CADPS: variants seen among roughly 807,000 people sequenced by gnomAD.
CADPS encodes calcium dependent secretion activator, also known as calcium-dependent secretion activator 1.
A neutral mutation model predicts 167.3 loss-of-function variants in CADPS; 57 were observed. That is an observed-to-expected ratio of 0.34 (90% CI 0.28 to 0.42). CADPS has a LOEUF of 0.42. Among genes scored for constraint, CADPS ranks in the 20% least tolerant of loss-of-function variants. The pLI, the probability that CADPS is intolerant of heterozygous loss-of-function variation, is 1.00. For synonymous variants in CADPS, 676 were observed against 635.3 expected, an observed-to-expected ratio of 1.06 and a Z score of -0.96; for missense variants, 1,414 against 1,738.1, an observed-to-expected ratio of 0.81 and a Z score of 3.32.
chr3:62,551,606 T>C (rs1337059683), intron 10 of CADPS, among the ~76,000 whole-genome samples: 1 of 152,184 alleles, frequency 6.6e-6, no homozygotes, highest in Non-Finnish European at 1.5e-5. Flanking sequence ...GCGTTGGTTC[T>C]GACAAGGCCT....
At chr3:62,615,446 G>A (rs2062112644) in intron 6 of CADPS, among the ~76,000 whole-genome samples, 1 of 152,118 alleles carries the variant, frequency 6.6e-6, no homozygotes, top group African/African-American at 2.4e-5. Flanking sequence ...CTCTGAATCA[G>A]CGACTGTGTT....
intron 1 of CADPS, among the ~76,000 whole-genome samples, chr3:62,810,202 G>A (rs2094328992): frequency 6.6e-6 from 1 of 152,080 alleles, no homozygotes; most frequent in South Asian, 2.1e-4. Flanking sequence ...CATGGTTTTG[G>A]TACCAGATGG....
chr3:62,640,252 A>G (rs941346795), intron 6 of CADPS, among the ~76,000 whole-genome samples: 1 of 152,182 alleles, frequency 6.6e-6, no homozygotes, highest in African/African-American at 2.4e-5. Context: ...AGTACACAGA[A>G]AACATTTTGC....
intron 6 of CADPS, among the ~76,000 whole-genome samples, chr3:62,598,448 G>C (rs1196000070): frequency 6.6e-6 from 1 of 152,094 alleles, no homozygotes; most frequent in African/African-American, 2.4e-5. Context: ...CCTTTCCTCT[G>C]TAGGAAAAAA....
chr3:62,570,863 G>GTTA lies in CADPS; in HGVS notation c.1644+6_1644+8dup, dbSNP rs1340771201. On this transcript the variant is annotated intron_variant, in intron 9 of 29. Coordinates refer to ENST00000383710, the MANE Select transcript of CADPS (RefSeq NM_003716.4). ...ACTGATGTCTCTTAAGAGTTGAAGA[G>GTTA]TTAGTTACCTGCACCAATACAAAAA... 1.0e-5 allele frequency: 16 copies of GTTA among 1,585,008 alleles called. No homozygotes were observed. Among genetic ancestry groups the GTTA allele is most frequent in the Non-Finnish European group, 1.2e-5 (14 of 1,153,648 alleles).
At chr3:62,864,465 G>T (rs7646534) in intron 1 of CADPS, among the ~76,000 whole-genome samples, 14 of 151,952 alleles carry the variant, frequency 9.2e-5, no homozygotes, top group East Asian at 1.9e-4. Context: ...TGATGATCAA[G>T]GTGTCATCAG....
In CADPS at chr3:62,644,131, A is replaced by T. The variant is rs1416366327; in HGVS notation, c.1325+1591T>A. ...TGAGATTTTCTCTAGTCCAGGAAAC[A>T]TTCCGTGCTTTCTTTGAACTATTTT... On this transcript the variant is annotated intron_variant, in intron 6 of 29. Transcript: ENST00000383710. 2.6e-5 allele frequency among the ~76,000 whole-genome samples: 4 copies of T among 152,234 alleles called. No individual in the cohort carries two copies. In the East Asian group the frequency reaches 5.8e-4, roughly 22 times the overall value.
At chr3:62,799,459 C>G (rs780068636) in intron 1 of CADPS, among the ~76,000 whole-genome samples, 2 of 152,166 alleles carry the variant, frequency 1.3e-5, no homozygotes, top group Non-Finnish European at 2.9e-5. Context: ...CCTTCACAGA[C>G]TGATCCTAAA....
At chr3:62,586,583 C>A (rs955506319) in intron 7 of CADPS, among the ~76,000 whole-genome samples, 1 of 152,144 alleles carries the variant, frequency 6.6e-6, no homozygotes, top group Non-Finnish European at 1.5e-5. Context: ...GGGCCTGACC[C>A]TTTTTCTTCA....
At chr3:62,803,792 G>A (rs2093924629) in intron 1 of CADPS, among the ~76,000 whole-genome samples, 1 of 152,102 alleles carries the variant, frequency 6.6e-6, no homozygotes, top group Non-Finnish European at 1.5e-5. Context: ...GGATACGAGA[G>A]GATAATTTTC....
intron 18 of CADPS, among the ~76,000 whole-genome samples, chr3:62,496,079 T>C (rs1465225990): frequency 6.6e-6 from 1 of 151,914 alleles, no homozygotes; most frequent in Non-Finnish European, 1.5e-5. Flanking sequence ...TTTTCTTTTT[T>C]TTTTTTTTAA....
intron 1 of CADPS, among the ~76,000 whole-genome samples, chr3:62,830,643 T>C (rs1265040889): frequency 6.6e-6 from 1 of 152,100 alleles, no homozygotes; most frequent in East Asian, 1.9e-4. Context: ...AATTGGAGCT[T>C]TATAGCTAGC....
chr3:62,624,548 G>GA (rs78035686), intron 6 of CADPS, among the ~76,000 whole-genome samples: 170 of 148,030 alleles, frequency 1.1e-3, no homozygotes, highest in East Asian at 2.0e-3. Context: ...AGAATCACTG[G>GA]AAAAAAAAAA....
chr3:62,831,820 G>A (rs1429639831), intron 1 of CADPS, among the ~76,000 whole-genome samples: 1 of 152,142 alleles, frequency 6.6e-6, no homozygotes. Flanking sequence ...AGTGCTATAA[G>A]CCTAACTAAA....
chr3:62,793,294 G>A (rs1163945132), intron 1 of CADPS, among the ~76,000 whole-genome samples: 1 of 152,072 alleles, frequency 6.6e-6, no homozygotes, highest in Admixed American at 6.6e-5. Context: ...GGTCCTTTTG[G>A]TATTCTTTGT....
At chr3:62,661,604 T>C (rs1441139564) in intron 4 of CADPS, among the ~76,000 whole-genome samples, 1 of 152,160 alleles carries the variant, frequency 6.6e-6, no homozygotes, top group African/African-American at 2.4e-5. Context: ...CTGGGAGCAA[T>C]GAGGGAATCT....
chr3:62,474,752 G>C (rs1254785738), intron 23 of CADPS, among the ~76,000 whole-genome samples: 1 of 152,092 alleles, frequency 6.6e-6, no homozygotes, highest in African/African-American at 2.4e-5. Flanking sequence ...CCTCGTGGTG[G>C]GGAAAAAAAT....
chr3:62,768,620 A>C (rs1211071659), intron 1 of CADPS, among the ~76,000 whole-genome samples: 1 of 152,140 alleles, frequency 6.6e-6, no homozygotes, highest in East Asian at 1.9e-4. Context: ...CAACACACTC[A>C]ACCCCTGATC....
At chr3:62,445,712 G>GA (rs369250660) in intron 27 of CADPS, 53 bp downstream of exon 27, 207,630 of 826,914 alleles carry the variant, frequency 0.25, 1,472 homozygotes, top group East Asian at 0.32. Context: ...AAGTAAAAAT[G>GA]AAAAAAAAAA....
Sources: allele counts gnomAD v4.1 joint callset (sites outside exome capture counted in the v4.1 genomes callset), GRCh38; gene constraint gnomAD v4.1.1; transcripts MANE v1.5; gene names NCBI Gene and HGNC (gene_info 2026-07-23, HGNC 2026-07-21).